Variants in CACNA1D observed in about 807,000 individuals in gnomAD.
The protein encoded by CACNA1D is voltage-dependent L-type calcium channel subunit alpha-1D.
CACNA1D carries 55 observed loss-of-function variants against 257.1 expected under a neutral mutation model. That is an observed-to-expected ratio of 0.21 (90% CI 0.17 to 0.27). CACNA1D has a LOEUF of 0.27. Among genes scored for constraint, CACNA1D ranks in the 10% least tolerant of loss-of-function variants. CACNA1D has a pLI of 1.00. For synonymous variants in CACNA1D, 980 were observed against 1,014.9 expected, an observed-to-expected ratio of 0.97 and a Z score of 0.65; for missense variants, 1,876 against 2,784.0, an observed-to-expected ratio of 0.67 and a Z score of 7.34.
chr3:53,596,746 C>T (rs1369403475), intron 3 of CACNA1D, among the ~76,000 whole-genome samples: 1 of 152,232 alleles, frequency 6.6e-6, no homozygotes, highest in East Asian at 1.9e-4. Flanking sequence ...GTCCTGCTGA[C>T]ATCCTAATTT....
chr3:53,722,000 CTA>C (rs1377796111), intron 11 of CACNA1D, among the ~76,000 whole-genome samples: 1 of 152,192 alleles, frequency 6.6e-6, no homozygotes, highest in Admixed American at 6.5e-5. Flanking sequence ...GCACGTGAAT[CTA>C]TGAATATCTA....
intron 44 of CACNA1D, 80 bp from the exon 45 acceptor site, chr3:53,804,903 G>A: frequency 7.8e-7 from 1 of 1,284,890 alleles, no homozygotes; most frequent in Non-Finnish European, 1.1e-6. Flanking sequence ...GCGGGGAGAG[G>A]AGTATGGATG....
In CACNA1D at chr3:53,781,615, T is replaced by G; in HGVS notation, c.4740T>G (p.Ile1580Met). 1 of 1,614,148 alleles carries G rather than the reference T, an allele frequency of 6.2e-7. No homozygotes were observed. Among genetic ancestry groups the G allele is most frequent in the Non-Finnish European group, 8.5e-7 (1 of 1,179,992 alleles). The change falls in exon 39 of 48, where the codon ATT becomes ATG. Residue 1580 changes from isoleucine (I) to methionine (M), a missense_variant. By Grantham distance (10) the Ile-to-Met change is conservative. Transcript: ENST00000350061. ...NEELRAVIKKIWKKTSMKLLD... is the reference protein window; with the variant it reads ...NEELRAVIKKMWKKTSMKLLD... ...AACTTCGGGCTGTGATAAAGAAAAT[T>G]TGGAAGAAAACCAGCATGAAATTAC...
chr3:53,801,277 A>G lies in CACNA1D; in HGVS notation c.5260A>G (p.Thr1754Ala). ...CATAGGAAAGCAAGTTCCCACCTCA[A>G]CAAATGCCAATCTCAATAATGCCAA... is the stretch of plus-strand genomic sequence containing the variant. The part of the protein sequence containing the change: ...NSIGKQVPTS[T>A]NANLNNANMS... The change falls in exon 42 of 48, where the codon ACA becomes GCA. Residue 1754 changes from threonine (T) to alanine (A), a missense_variant. Physicochemically the swap from Thr to Ala is moderately conservative, Grantham distance 58 (BLOSUM62 0). Transcript: ENST00000350061. 6.2e-7 allele frequency: 1 copy of G among 1,614,082 alleles called. No homozygotes were observed. The highest frequency in any genetic ancestry group is 1.1e-5 in the South Asian group (1 of 91,084).
In CACNA1D at chr3:53,800,909, C is replaced by T. The variant is rs1234240163; in HGVS notation, c.5041-149C>T. On this transcript the variant is annotated intron_variant, in intron 41 of 47. Coordinates refer to ENST00000350061, the MANE Select transcript of CACNA1D (RefSeq NM_001128840.3). This position sits in a 1 kb window ranked among gnomAD's most constrained non-coding sequence, Gnocchi z 4.3. ...CCAACTGCCACACAGTCACATTCAC[C>T]CTGATCATTGAGACACTCAGATTGT... The T allele has an allele frequency of 1.4e-5, 11 of 775,960 alleles. No homozygotes were observed. Among genetic ancestry groups the T allele is most frequent in the Non-Finnish European group, 2.4e-5 (11 of 449,056 alleles). 48.1% of individuals were successfully genotyped at this position (775,960 alleles called of 1,614,324 possible).
chr3:53,594,217 A>G (rs2093343437), intron 3 of CACNA1D, among the ~76,000 whole-genome samples: 1 of 152,238 alleles, frequency 6.6e-6, no homozygotes, highest in Non-Finnish European at 1.5e-5. Context: ...ACTTTCAGAC[A>G]ATAATTGTAT....
intron 3 of CACNA1D, among the ~76,000 whole-genome samples, chr3:53,593,225 A>T (rs75113408): frequency 0.035 from 5,261 of 152,302 alleles, 321 homozygotes; most frequent in African/African-American, 0.12. Context: ...AGGGCAAGAG[A>T]TTATAAAATC....
chr3:53,548,144 G>A (rs967513918), intron 3 of CACNA1D, among the ~76,000 whole-genome samples: 5 of 152,246 alleles, frequency 3.3e-5, no homozygotes, highest in South Asian at 4.1e-4. Context: ...TTCCGCCTTC[G>A]TCTTTCCTTT....
At chr3:53,778,166 G>C (rs1236734866) in intron 37 of CACNA1D, among the ~76,000 whole-genome samples, 1 of 152,168 alleles carries the variant, frequency 6.6e-6, no homozygotes, top group African/African-American at 2.4e-5. Context: ...CCTCTCTTCA[G>C]GCCGGACTCT....
At chr3:53,704,850 T>G (rs182613765) in intron 9 of CACNA1D, among the ~76,000 whole-genome samples, 7 of 152,384 alleles carry the variant, frequency 4.6e-5, no homozygotes, top group African/African-American at 1.4e-4. Flanking sequence ...GCCAGTGGCC[T>G]TTCCTCTGTT....
At chr3:53,707,499 T>C (rs2094703123) in intron 9 of CACNA1D, among the ~76,000 whole-genome samples, 1 of 152,196 alleles carries the variant, frequency 6.6e-6, no homozygotes, top group Non-Finnish European at 1.5e-5. Flanking sequence ...ATTCATAGAA[T>C]ATTTAAAATG....
At chr3:53,661,514 G>A (rs1276460972) in intron 5 of CACNA1D, among the ~76,000 whole-genome samples, 1 of 152,232 alleles carries the variant, frequency 6.6e-6, no homozygotes, top group African/African-American at 2.4e-5. Flanking sequence ...TCTGTTAAGT[G>A]TAACACGATT....
chr3:53,585,920 C>T (rs954438125), intron 3 of CACNA1D, among the ~76,000 whole-genome samples: 2 of 152,226 alleles, frequency 1.3e-5, no homozygotes, highest in Admixed American at 6.5e-5. Context: ...ACTTTCAACA[C>T]TGGCATACCA....
intron 3 of CACNA1D, among the ~76,000 whole-genome samples, chr3:53,622,604 C>T (rs1328154463): frequency 6.6e-6 from 1 of 152,064 alleles, no homozygotes; most frequent in East Asian, 1.9e-4. Flanking sequence ...CAACAACACA[C>T]ACTGGGTCCT....
At chr3:53,722,605 A>G in intron 12 of CACNA1D, 131 bp downstream of exon 12, 1 of 960,220 alleles carries the variant, frequency 1.0e-6, no homozygotes, top group South Asian at 1.4e-5. Context: ...AACTTGGTAG[A>G]ACCATCCAGA....
chr3:53,496,130 T>A (rs894980202), intron 1 of CACNA1D, among the ~76,000 whole-genome samples: 18 of 152,262 alleles, frequency 1.2e-4, no homozygotes, highest in Admixed American at 5.9e-4. Flanking sequence ...GACTCTTTAC[T>A]TAGCAATAAT....
intron 3 of CACNA1D, among the ~76,000 whole-genome samples, chr3:53,565,289 T>C (rs2092814074): frequency 6.6e-6 from 1 of 152,152 alleles, no homozygotes; most frequent in South Asian, 2.1e-4. Flanking sequence ...GAAAGTTTCC[T>C]ACTCTTTAAA....
At chr3:53,576,524 C>G (rs929952393) in intron 3 of CACNA1D, among the ~76,000 whole-genome samples, 3 of 152,192 alleles carry the variant, frequency 2.0e-5, no homozygotes, top group Admixed American at 2.0e-4. Flanking sequence ...TTTTTCCAGT[C>G]CAGCATTTTG....
chr3:53,614,426 C>T (rs899284461), intron 3 of CACNA1D, among the ~76,000 whole-genome samples: 2 of 152,044 alleles, frequency 1.3e-5, no homozygotes, highest in African/African-American at 2.4e-5. Context: ...AGAAACTCCC[C>T]GAGGTGTAGG....
Sources: allele counts gnomAD v4.1 joint callset (sites outside exome capture counted in the v4.1 genomes callset), GRCh38; gene constraint gnomAD v4.1.1; non-coding constraint Gnocchi (gnomAD v3.1); transcripts MANE v1.5; gene names NCBI Gene and HGNC (gene_info 2026-07-23, HGNC 2026-07-21).